Variants in TENM3 observed in about 807,000 individuals in gnomAD.
TENM3 encodes teneurin-3.
Under a neutral mutation model 255.1 loss-of-function variants are expected in TENM3, and 63 were observed. The observed-to-expected ratio is 0.25, with a 90% CI of 0.20 to 0.30. The LOEUF (loss-of-function observed/expected upper bound fraction) is 0.30. Among genes scored for constraint, TENM3 ranks in the 10% least tolerant of loss-of-function variants. The probability of loss-of-function intolerance (pLI) is 1.00; values close to 1 mark genes in which losing one functional copy is unlikely to be tolerated. For synonymous variants in TENM3, 1,306 were observed against 1,322.3 expected, an observed-to-expected ratio of 0.99 and a Z score of 0.27; for missense variants, 2,929 against 3,461.1, an observed-to-expected ratio of 0.85 and a Z score of 3.86.
At chr4:181,534,228 T>A in the TENM3 span, among the ~76,000 whole-genome samples, 1 of 126,956 alleles carries the variant, frequency 7.9e-6, no homozygotes, top group African/African-American at 3.0e-5. Context: ...AGACTGAGAC[T>A]CCACCTCAAA....
At chr4:182,553,636 G>A (rs1027881559) in intron 3 of TENM3, among the ~76,000 whole-genome samples, 2 of 151,980 alleles carry the variant, frequency 1.3e-5, no homozygotes, top group African/African-American at 2.4e-5. Context: ...TCCTTTGCTC[G>A]GTTGCATATT....
chr4:181,892,369 A>G, the TENM3 span, among the ~76,000 whole-genome samples: 1 of 152,254 alleles, frequency 6.6e-6, no homozygotes, highest in Admixed American at 6.5e-5. Context: ...TTTACTTCTC[A>G]TTTTTAATAG....
chr4:182,274,428 CA>C (rs1389389787), intron 1 of TENM3, among the ~76,000 whole-genome samples: 2 of 152,132 alleles, frequency 1.3e-5, no homozygotes, highest in African/African-American at 2.4e-5. Context: ...TTTGGCATGG[CA>C]ACAAAAAGAT....
chr4:181,867,163 G>A, the TENM3 span, among the ~76,000 whole-genome samples: 10 of 152,126 alleles, frequency 6.6e-5, no homozygotes, highest in Admixed American at 4.6e-4. Context: ...CTAGCACAGT[G>A]CCCGAATTGT....
intron 12 of TENM3, among the ~76,000 whole-genome samples, chr4:182,706,663 A>C (rs970204744): frequency 5.9e-5 from 9 of 152,186 alleles, no homozygotes; most frequent in Non-Finnish European, 1.3e-4. Flanking sequence ...TATAAAGCAG[A>C]TATTAACACT....
intron 1 of TENM3, among the ~76,000 whole-genome samples, chr4:182,211,224 G>A (rs934143368): frequency 1.3e-5 from 2 of 152,176 alleles, no homozygotes; most frequent in African/African-American, 4.8e-5. Flanking sequence ...CAACCCACGA[G>A]AGACGTGGCT....
intron 3 of TENM3, among the ~76,000 whole-genome samples, chr4:182,358,596 T>C (rs1765729532): frequency 6.6e-6 from 1 of 152,044 alleles, no homozygotes; most frequent in South Asian, 2.1e-4. Flanking sequence ...TGAGGTTGCT[T>C]ATCAGCTTAA....
the TENM3 span, among the ~76,000 whole-genome samples, chr4:182,030,254 C>A: frequency 1.3e-5 from 2 of 151,864 alleles, no homozygotes; most frequent in African/African-American, 2.4e-5. Flanking sequence ...CCATGACAGG[C>A]CCCAGTGTTT....
the TENM3 span, among the ~76,000 whole-genome samples, chr4:181,814,035 CA>C: frequency 2.0e-5 from 3 of 151,948 alleles, no homozygotes; most frequent in African/African-American, 7.2e-5. Context: ...ACAAAGGGAA[CA>C]AAGTCAAGTA....
At chr4:182,364,477 C>G (rs948428016) in intron 3 of TENM3, among the ~76,000 whole-genome samples, 1 of 152,120 alleles carries the variant, frequency 6.6e-6, no homozygotes, top group Non-Finnish European at 1.5e-5. Context: ...AATGCAGTGG[C>G]GCGATCTCGG....
At chr4:181,602,304 CCTCA>C in the TENM3 span, among the ~76,000 whole-genome samples, 1 of 152,150 alleles carries the variant, frequency 6.6e-6, no homozygotes, top group African/African-American at 2.4e-5. Context: ...CAAGCTTTGT[CCTCA>C]CTATTTTTGC....
At chr4:182,240,650 C>A (rs76111189), upstream of TENM3, among the ~76,000 whole-genome samples, 1 of 152,256 alleles carries the variant, frequency 6.6e-6, no homozygotes, top group African/African-American at 2.4e-5. Flanking sequence ...ATTCTCCCTG[C>A]GAGTCCCGGC....
the TENM3 span, among the ~76,000 whole-genome samples, chr4:181,964,733 C>T: frequency 1.1e-4 from 17 of 152,166 alleles, no homozygotes; most frequent in Non-Finnish European, 1.5e-4. Context: ...AGCAGGGATT[C>T]GGTTATAAAA....
At chr4:182,042,343 G>A in the TENM3 span, among the ~76,000 whole-genome samples, 8 of 152,162 alleles carry the variant, frequency 5.3e-5, no homozygotes, top group East Asian at 1.5e-3. Context: ...TATTCTGAGG[G>A]CTTTCCATAA....
chr4:182,535,398 T>G (rs1740203337), intron 3 of TENM3, among the ~76,000 whole-genome samples: 1 of 152,188 alleles, frequency 6.6e-6, no homozygotes. Flanking sequence ...GAATACTGCT[T>G]AGGCCAGGAT....
chr4:181,541,495 G>A, the TENM3 span, among the ~76,000 whole-genome samples: 1 of 152,128 alleles, frequency 6.6e-6, no homozygotes, highest in Non-Finnish European at 1.5e-5. Context: ...GACTGATTTA[G>A]ATGAGTCATG....
chr4:182,039,996 A>G, the TENM3 span, among the ~76,000 whole-genome samples: 8 of 65,870 alleles, frequency 1.2e-4, no homozygotes, highest in African/African-American at 4.8e-4. Context: ...GGGGAGGGGA[A>G]GGCAGGGGAG....
chr4:181,789,257 A>T, the TENM3 span, among the ~76,000 whole-genome samples: 2 of 108,258 alleles, frequency 1.8e-5, no homozygotes, highest in Non-Finnish European at 2.1e-5. Context: ...ATTTTATTTT[A>T]TTTATTTTAT....
chr4:181,645,880 G>A, the TENM3 span, among the ~76,000 whole-genome samples: 1 of 152,128 alleles, frequency 6.6e-6, no homozygotes, highest in Admixed American at 6.5e-5. Context: ...CTCCCATCTA[G>A]CCTTGCACAT....
Sources: gnomAD v4.1 joint callset for allele counts (sites outside exome capture counted in the v4.1 genomes callset) on GRCh38, gnomAD v4.1.1 for gene constraint, MANE v1.5 for transcripts, NCBI Gene and HGNC (gene_info 2026-07-23, HGNC 2026-07-21) for gene names.